DSCAML1: variants seen among roughly 807,000 people sequenced by gnomAD.
The protein encoded by DSCAML1 is DS cell adhesion molecule like 1.
DSCAML1 carries 38 observed loss-of-function variants against 200.5 expected under a neutral mutation model. That is an observed-to-expected ratio of 0.19 (90% CI 0.15 to 0.25). The LOEUF is 0.25. DSCAML1 is among the 10% of genes least tolerant of loss of function. DSCAML1 has a pLI of 1.00. For synonymous variants in DSCAML1, 1,215 were observed against 1,165.0 expected, an observed-to-expected ratio of 1.04 and a Z score of -0.87; for missense variants, 2,223 against 2,858.8, an observed-to-expected ratio of 0.78 and a Z score of 5.07.
rs115489229 is a variant in DSCAML1 at position 117,816,544 on chromosome 11, C to T, written c.-250+846G>A. On this transcript the variant is annotated intron_variant, in intron 1 of 2. Coordinates refer to the DSCAML1 transcript ENST00000525836. ...CTGGGGCCATGGATCAACAGGGAGG[C>T]GACTAATCTCCCCCACAGCAGCCCT... Among the ~76,000 whole-genome samples the T allele has an allele frequency of 8.3e-3, 1,268 of 152,288 alleles. 14 individuals are homozygous for T. Among genetic ancestry groups the T allele is most frequent in the African/African-American group, 0.029 (1,213 of 41,558 alleles).
At chr11:117,693,627 G>C (rs2053535964) in intron 3 of DSCAML1, among the ~76,000 whole-genome samples, 1 of 152,150 alleles carries the variant, frequency 6.6e-6, no homozygotes, top group Non-Finnish European at 1.5e-5. Context: ...CCAGAGCTGG[G>C]AGAAATAAAT....
chr11:117,587,788 T>C (rs1353883728), intron 3 of DSCAML1, among the ~76,000 whole-genome samples: 1 of 152,194 alleles, frequency 6.6e-6, no homozygotes, highest in Non-Finnish European at 1.5e-5. Flanking sequence ...GCCTCCTCTT[T>C]GTCCCTTATC....
rs1178786410 is a variant in DSCAML1, at chr11:117,437,862, G to A, written c.4432+33C>T. The A allele has an allele frequency of 3.8e-6, 6 of 1,564,802 alleles. No homozygotes were observed. Among genetic ancestry groups the A allele is most frequent in the Admixed American group, 1.8e-5 (1 of 56,804 alleles). On this transcript the variant is annotated intron_variant, in intron 25 of 32. Transcript: ENST00000651296. The surrounding 1 kb of genome is among the most constrained non-coding windows in gnomAD (Gnocchi z 5.3). ...CTAGCCCACCCTCCCTGGGCCCATC[G>A]CTCCTTCCCTGCCCCAGTGGCCTGG...
chr11:117,431,950 C>T (rs910912183), intron 30 of DSCAML1, among the ~76,000 whole-genome samples: 1 of 152,152 alleles, frequency 6.6e-6, no homozygotes, highest in Non-Finnish European at 1.5e-5. Flanking sequence ...ATTCTCCCCG[C>T]CCACCCCATC....
intron 3 of DSCAML1, among the ~76,000 whole-genome samples, chr11:117,635,433 G>A (rs553353273): frequency 2.0e-5 from 3 of 150,326 alleles, no homozygotes; most frequent in East Asian, 2.0e-4. Context: ...AGTGCAGAAC[G>A]TCCTAGTGTG....
chr11:117,624,398 G>T (rs1443760483), intron 3 of DSCAML1, among the ~76,000 whole-genome samples: 1 of 152,170 alleles, frequency 6.6e-6, no homozygotes, highest in Non-Finnish European at 1.5e-5. Context: ...TCTGCAAATA[G>T]AAGGGGACTT....
chr11:117,701,456 A>G (rs904754102), intron 3 of DSCAML1, among the ~76,000 whole-genome samples: 1 of 151,938 alleles, frequency 6.6e-6, no homozygotes, highest in Non-Finnish European at 1.5e-5. Context: ...CCCAATTAAC[A>G]CTTCTGAAAA....
intron 3 of DSCAML1, among the ~76,000 whole-genome samples, chr11:117,673,695 G>A (rs548825269): frequency 1.3e-5 from 2 of 152,364 alleles, no homozygotes; most frequent in South Asian, 2.1e-4. Context: ...ATCACCACTG[G>A]GTTGAGGAGG....
intron 3 of DSCAML1, among the ~76,000 whole-genome samples, chr11:117,723,273 T>C (rs980802711): frequency 1.3e-5 from 2 of 152,216 alleles, no homozygotes; most frequent in Non-Finnish European, 2.9e-5. Context: ...AAGTCACTGA[T>C]AACACATTTT....
chr11:117,771,649 G>A (rs75146712), intron 3 of DSCAML1, among the ~76,000 whole-genome samples: 1 of 152,166 alleles, frequency 6.6e-6, no homozygotes, highest in Admixed American at 6.5e-5. Context: ...TAGAGGAACC[G>A]GAAGACCGGC....
chr11:117,650,829 A>T (rs2052618376), intron 3 of DSCAML1, among the ~76,000 whole-genome samples: 1 of 151,972 alleles, frequency 6.6e-6, no homozygotes, highest in South Asian at 2.1e-4. Flanking sequence ...CTGTGGTGAG[A>T]TCTGGTGCTG....
intron 3 of DSCAML1, among the ~76,000 whole-genome samples, chr11:117,688,426 G>A (rs1488301421): frequency 1.3e-5 from 2 of 152,240 alleles, no homozygotes; most frequent in Non-Finnish European, 2.9e-5. Flanking sequence ...GAGTTGGGAA[G>A]GATAGGGGAG....
At chr11:117,554,852 C>T (rs1352221323) in intron 3 of DSCAML1, among the ~76,000 whole-genome samples, 3 of 152,194 alleles carry the variant, frequency 2.0e-5, no homozygotes, top group Admixed American at 6.5e-5. Context: ...ACAAGAAAAA[C>T]AGGTCTCTAA....
At position 117,469,158 on chromosome 11, in the gene DSCAML1, G is replaced by A. The variant is rs182540787; in HGVS notation, c.3024+752C>T. 1.4e-3 allele frequency among the ~76,000 whole-genome samples: 217 copies of A among 152,290 alleles called. 1 individual carries two copies. The highest frequency in any genetic ancestry group is 4.7e-3 in the African/African-American group (196 of 41,560). On this transcript the variant is annotated intron_variant, in intron 16 of 32. Coordinates refer to ENST00000651296, the MANE Select transcript of DSCAML1 (RefSeq NM_020693.4). The surrounding 1 kb of genome is among the most constrained non-coding windows in gnomAD (Gnocchi z 4.1). Reference sequence around the variant, plus strand: ...CTCCATGGCCTCCTCTGGTGGAAGGGGATAAAAGTGCCTTCTCTCGCTGCT... The same window carrying A: ...CTCCATGGCCTCCTCTGGTGGAAGGAGATAAAAGTGCCTTCTCTCGCTGCT...
At chr11:117,713,009 C>T (rs1241957945) in intron 3 of DSCAML1, among the ~76,000 whole-genome samples, 2 of 152,140 alleles carry the variant, frequency 1.3e-5, no homozygotes, top group South Asian at 2.1e-4. Flanking sequence ...AACCCCCCAA[C>T]ACCCAGGACC....
intron 3 of DSCAML1, among the ~76,000 whole-genome samples, chr11:117,677,005 C>G (rs1005368348): frequency 2.6e-5 from 4 of 151,676 alleles, no homozygotes; most frequent in African/African-American, 4.8e-5. Flanking sequence ...GACCCCTGAT[C>G]AGTGATGGAC....
At chr11:117,617,680 G>GCGCGCACACA (rs1395796967) in intron 3 of DSCAML1, among the ~76,000 whole-genome samples, 2 of 142,910 alleles carry the variant, frequency 1.4e-5, no homozygotes, top group African/African-American at 5.3e-5. Context: ...ACAGGTACAC[G>GCGCGCACACA]CACACACACA....
At chr11:117,439,669 G>T (rs2048003362) in intron 22 of DSCAML1, 150 bp downstream of exon 22, 2 of 850,512 alleles carry the variant, frequency 2.4e-6, no homozygotes, top group Non-Finnish European at 3.7e-6. Context: ...GCCTGCTTGA[G>T]AGAGCAGTAG....
At chr11:117,575,352 G>A (rs1488882030) in intron 3 of DSCAML1, among the ~76,000 whole-genome samples, 1 of 152,204 alleles carries the variant, frequency 6.6e-6, no homozygotes, top group Non-Finnish European at 1.5e-5. Flanking sequence ...GGGTGAGGTA[G>A]GGAGTTGCTT....
Sources: allele counts gnomAD v4.1 joint callset (sites outside exome capture counted in the v4.1 genomes callset), GRCh38; gene constraint gnomAD v4.1.1; non-coding constraint Gnocchi (gnomAD v3.1); transcripts MANE v1.5; gene names NCBI Gene and HGNC (gene_info 2026-07-23, HGNC 2026-07-21).